The following PLEKHH1 variants were observed in gnomAD, a reference collection of about 807,000 sequenced individuals.
The protein encoded by PLEKHH1 is pleckstrin homology, MyTH4 and FERM domain containing H1, also known as pleckstrin homology domain-containing family H member 1.
Under a neutral mutation model 160.0 loss-of-function variants are expected in PLEKHH1, and 104 were observed. That is an observed-to-expected ratio of 0.65 (90% CI 0.55 to 0.76). The LOEUF (loss-of-function observed/expected upper bound fraction) is 0.76, where lower values mean the gene tolerates loss of function less well. Ranked by LOEUF, PLEKHH1 falls within the 30% of genes least tolerant of loss-of-function variation. PLEKHH1 has a pLI of 0.00. For synonymous variants in PLEKHH1, 619 were observed against 678.4 expected (o/e 0.91, Z 1.36); for missense variants, 1,427 against 1,724.1 (o/e 0.83, Z 3.05).
At chr14:67,579,953 G>A in intron 22 of PLEKHH1, 77 bp downstream of exon 22, 1 of 1,369,480 alleles carries the variant, frequency 7.3e-7, no homozygotes, top group African/African-American at 1.4e-5. Flanking sequence ...CCCATCTGAT[G>A]GGTGTCTGAC....
At position 67,578,766 on chromosome 14, in the gene PLEKHH1, C is replaced by A. The variant is rs1048421346; in HGVS notation, c.2849+135C>A. 2 of 686,538 alleles carry A rather than the reference C, an allele frequency of 2.9e-6. No homozygotes were observed. The highest frequency in any genetic ancestry group is 2.1e-5 in the Admixed American group (1 of 47,996). The allele number at this position is 686,538 out of a possible 1,614,324, so 42.5% of individuals were successfully genotyped here. A position where few individuals can be genotyped will look rare whatever the true frequency, so the allele number is the denominator to read the frequency against. On this transcript the variant is annotated intron_variant, in intron 20 of 28. Transcript: ENST00000329153. This position sits in a 1 kb window ranked among gnomAD's most constrained non-coding sequence, Gnocchi z 5.0. Reference sequence around the variant, plus strand: ...CCGCTCAGTGGTCGTGGAGACTTCACCCATTGCCGTGTGCACAAATGGGCA... The same window carrying A: ...CCGCTCAGTGGTCGTGGAGACTTCAACCATTGCCGTGTGCACAAATGGGCA...
chr14:67,559,749 C>A lies in PLEKHH1; in HGVS notation c.423+58C>A, dbSNP rs2034749861. On this transcript the variant is annotated intron_variant, in intron 5 of 28. Coordinates refer to ENST00000329153, the MANE Select transcript of PLEKHH1 (RefSeq NM_020715.3). ...GAGGCATGGCTGGGCCTGCCCTGAC[C>A]CCCGGAGTTTCCTGCCCCCTACTGT... 11 of 1,180,420 alleles carry A rather than the reference C, an allele frequency of 9.3e-6. 1 individual carries two copies. The South Asian group carries it at 1.2e-4, about 13-fold the overall frequency. 73.1% of individuals were successfully genotyped at this position (1,180,420 alleles called of 1,614,324 possible). A position where few individuals can be genotyped will look rare whatever the true frequency, so the allele number is the denominator to read the frequency against.
chr14:67,577,360 C>T lies in PLEKHH1; in HGVS notation c.2520C>T (p.Ser840=). 6.3e-7 allele frequency: 1 copy of T among 1,591,112 alleles called. No homozygotes were observed. Among genetic ancestry groups the T allele is most frequent in the Non-Finnish European group, 8.6e-7 (1 of 1,169,316 alleles). ...LCYSKDGLYA[S]LTTLPSEALQ... The stretch of plus-strand genomic sequence containing the variant: ...ACAGCAAAGACGGCCTATACGCCTC[C>T]CTCACCACCCTGCCCTCTGAGGCCT... The change falls in exon 18 of 29, where the codon TCC becomes TCT. Residue 840 remains serine (S), a synonymous_variant. Coordinates refer to ENST00000329153, the MANE Select transcript of PLEKHH1 (RefSeq NM_020715.3).
In PLEKHH1 at chr14:67,533,984, T is replaced by G. The variant is rs374470063; in HGVS notation, c.-35+586T>G. On this transcript the variant is annotated intron_variant, in intron 1 of 28. Coordinates refer to ENST00000329153, the MANE Select transcript of PLEKHH1 (RefSeq NM_020715.3). ...TGAAGAGCCTCATCTGGAAGGAAAC[T>G]CCTCTCCTTGTGGGATTTCTGCTTG... 6.6e-5 allele frequency among the ~76,000 whole-genome samples: 10 copies of G among 152,120 alleles called. No homozygotes were observed. In the East Asian group the frequency reaches 1.6e-3, roughly 24 times the overall value.
chr14:67,565,941 G>A (rs1313003781), intron 7 of PLEKHH1, among the ~76,000 whole-genome samples: 4 of 152,216 alleles, frequency 2.6e-5, no homozygotes, highest in Non-Finnish European at 4.4e-5. Context: ...CCAACATGGC[G>A]AAACCCCATC....
chr14:67,582,448 T>G lies in PLEKHH1; in HGVS notation c.3426+238T>G, dbSNP rs752125276. Reference sequence around the variant, plus strand: ...TCCAGAGACCTGGGTTTGAGTCCTATATACCTTCCAACTATGAGGTCTTAG... The same window carrying G: ...TCCAGAGACCTGGGTTTGAGTCCTAGATACCTTCCAACTATGAGGTCTTAG... On this transcript the variant is annotated intron_variant, in intron 24 of 28. Coordinates refer to ENST00000329153, the MANE Select transcript of PLEKHH1 (RefSeq NM_020715.3). This position sits in a 1 kb window ranked among gnomAD's most constrained non-coding sequence, Gnocchi z 5.0. 9.9e-5 allele frequency among the ~76,000 whole-genome samples: 15 copies of G among 152,176 alleles called. No individual in the cohort carries two copies. Among genetic ancestry groups the G allele is most frequent in the Non-Finnish European group, 2.1e-4 (14 of 68,036 alleles).
intron 2 of PLEKHH1, among the ~76,000 whole-genome samples, chr14:67,552,983 T>C (rs112470262): frequency 9.2e-5 from 14 of 152,288 alleles, no homozygotes; most frequent in African/African-American, 3.4e-4. Flanking sequence ...GTGTTGTCAA[T>C]AACAGAGCGA....
Position 67,582,774 on chromosome 14 carries a change from TTGCAG to T in PLEKHH1, c.3426+567_3426+571del, listed in dbSNP as rs2035966236. On this transcript the variant is annotated intron_variant, in intron 24 of 28. Transcript: ENST00000329153. This position sits in a 1 kb window ranked among gnomAD's most constrained non-coding sequence, Gnocchi z 5.0. ...ATCACTTGTACCTGGGAGGCAGAGG[TTGCAG>T]TGAGCCAAGATCATGCCATTGCACT... 6.6e-6 allele frequency among the ~76,000 whole-genome samples: 1 copy of T among 151,298 alleles called. No individual in the cohort carries two copies. Among genetic ancestry groups the T allele is most frequent in the Non-Finnish European group, 1.5e-5 (1 of 67,804 alleles).
Position 67,582,510 on chromosome 14 carries a change from C to T in PLEKHH1, c.3426+300C>T, listed in dbSNP as rs1414497680. On this transcript the variant is annotated intron_variant, in intron 24 of 28. Coordinates refer to ENST00000329153, the MANE Select transcript of PLEKHH1 (RefSeq NM_020715.3). The surrounding 1 kb of genome is among the most constrained non-coding windows in gnomAD (Gnocchi z 5.0). ...CACTTCTCTATGCTTTAGTTTCCTT[C>T]TCAGTATACCAAAATAAAAAATACT... Among the ~76,000 whole-genome samples the T allele has an allele frequency of 6.6e-6, 1 of 152,158 alleles. No homozygotes were observed. The highest frequency in any genetic ancestry group is 2.4e-5 in the African/African-American group (1 of 41,436).
At position 67,579,152 on chromosome 14, in the gene PLEKHH1, T is replaced by G. The variant is rs1468265829; in HGVS notation, c.2868T>G (p.Tyr956Ter). ...HADPRSETGQ[Y>*]ATYCQRAVER... is the part of the protein sequence containing the mutation. ...TTTTTAGAAGTGAAACTGGCCAGTA[T>G]GCCACCTACTGCCAGCGGGCAGTGG... Residue 956 changes from tyrosine (Y) to a stop codon, truncating the protein, a stop_gained, in exon 21 of 29, where the codon TAT becomes TAG. Coordinates refer to ENST00000329153, the MANE Select transcript of PLEKHH1 (RefSeq NM_020715.3). LOFTEE classifies it high-confidence loss of function. 16 of 1,605,144 alleles carry G rather than the reference T, an allele frequency of 1.0e-5. No homozygotes were observed. The highest frequency in any genetic ancestry group is 1.4e-5 in the Non-Finnish European group (16 of 1,176,824).
intron 2 of PLEKHH1, among the ~76,000 whole-genome samples, chr14:67,551,006 A>G (rs1328178082): frequency 6.6e-6 from 1 of 152,204 alleles, no homozygotes; most frequent in African/African-American, 2.4e-5. Context: ...TAGCTACATA[A>G]GTGTAGCCTA....
chr14:67,563,426 CT>C (rs960803746), intron 7 of PLEKHH1, among the ~76,000 whole-genome samples: 1 of 148,558 alleles, frequency 6.7e-6, no homozygotes, highest in East Asian at 2.0e-4. Flanking sequence ...TTTTTCTTTT[CT>C]TTTTTTTGGG....
Position 67,545,335 on chromosome 14 carries a change from C to A in PLEKHH1, c.126+3342C>A, listed in dbSNP as rs867590441. On this transcript the variant is annotated intron_variant, in intron 2 of 28. Transcript: ENST00000329153. ...GTAGTCTTTATTCTGAATAACTATG[C>A]GCTCAGCTAAAAGTTGGGGGTTCTA... 3.9e-5 allele frequency among the ~76,000 whole-genome samples: 6 copies of A among 152,068 alleles called. 1 individual carries two copies. Among genetic ancestry groups the A allele is most frequent in the Admixed American group, 3.9e-4 (6 of 15,272 alleles).
chr14:67,572,245 T>C lies in PLEKHH1; in HGVS notation c.1696T>C (p.Ser566Pro), dbSNP rs1440507848. Reference protein sequence around the residue: ...EPEHKLQRTSSYSTDGLGLGG... With the variant: ...EPEHKLQRTSPYSTDGLGLGG... ...TGAGCACAAACTGCAGCGCACCTCA[T>C]CCTACTCCACCGACGGGCTGGGCCT... is the stretch of plus-strand genomic sequence containing the variant. Residue 566 changes from serine to proline, a missense_variant, in exon 11 of 29, where the codon TCC (serine) becomes CCC (proline). Physicochemically the swap from Ser to Pro is moderately conservative, Grantham distance 74. Around this residue, in one of 6 missense-constraint regions of PLEKHH1, gnomAD observed 831 missense variants for 929.2 expected, o/e 0.89. Coordinates refer to ENST00000329153, the MANE Select transcript of PLEKHH1 (RefSeq NM_020715.3). 5 of 1,605,912 alleles carry C rather than the reference T, an allele frequency of 3.1e-6. No homozygotes were observed. The African/African-American group carries it at 6.7e-5, about 22-fold the overall frequency.
chr14:67,539,491 A>G (rs746610283), intron 1 of PLEKHH1, among the ~76,000 whole-genome samples: 3 of 152,150 alleles, frequency 2.0e-5, no homozygotes, highest in Non-Finnish European at 4.4e-5. Flanking sequence ...TTTTTAGATG[A>G]AAAGTCAGGA....
At chr14:67,585,879 C>T in intron 27 of PLEKHH1, 72 bp from the exon 28 acceptor site, 1 of 1,481,594 alleles carries the variant, frequency 6.7e-7, no homozygotes. Context: ...CTAGAAGAGA[C>T]AGGGGATGCT....
chr14:67,568,170 C>A (rs1293164505), intron 7 of PLEKHH1, among the ~76,000 whole-genome samples: 1 of 152,086 alleles, frequency 6.6e-6, no homozygotes, highest in African/African-American at 2.4e-5. Context: ...GCACTACTCA[C>A]AATAGCAAAG....
rs759259188 is a variant in PLEKHH1, at chr14:67,571,783, T to C, written c.1466T>C (p.Met489Thr). 4.0e-5 allele frequency: 64 copies of C among 1,613,840 alleles called. No individual in the cohort carries two copies. The South Asian group carries it at 4.9e-4, about 12-fold the overall frequency. ...RATQISNMPF[M>T]DESSGSDDDC... ...ACACAGATCAGCAACATGCCCTTTA[T>C]GGACGAGTCCTCTGGGTCTGACGAT... is the stretch of plus-strand genomic sequence containing the variant. Residue 489 changes from methionine (M) to threonine (T), a missense_variant, in exon 10 of 29, where the codon ATG becomes ACG. Around this residue, in one of 6 missense-constraint regions of PLEKHH1, gnomAD observed 831 missense variants for 929.2 expected, o/e 0.89. Coordinates refer to ENST00000329153, the MANE Select transcript of PLEKHH1 (RefSeq NM_020715.3).
chr14:67,583,730 T>G lies in PLEKHH1; in HGVS notation c.3427-11T>G. On this transcript the variant is annotated splice_polypyrimidine_tract_variant and intron_variant, in intron 24 of 28. Coordinates refer to ENST00000329153, the MANE Select transcript of PLEKHH1 (RefSeq NM_020715.3). ...GATTTTGACTGGTCTCTTCATATGC[T>G]TCTACCACAGGTAGAATATGGGGAC... 6.2e-7 allele frequency: 1 copy of G among 1,608,256 alleles called. No homozygotes were observed. Among genetic ancestry groups the G allele is most frequent in the Non-Finnish European group, 8.5e-7 (1 of 1,177,006 alleles).
Sources: gnomAD v4.1 joint callset for allele counts (sites outside exome capture counted in the v4.1 genomes callset) on GRCh38, gnomAD v4.1.1 for gene constraint, gnomAD v4.1.1 regional missense constraint, Gnocchi (gnomAD v3.1) non-coding constraint, MANE v1.5 for transcripts, NCBI Gene and HGNC (gene_info 2026-07-23, HGNC 2026-07-21) for gene names.